SHISA9: variants seen among roughly 807,000 people sequenced by gnomAD.
SHISA9 encodes the protein protein shisa-9.
A neutral mutation model predicts 38.0 loss-of-function variants in SHISA9; 13 were observed. That is an observed-to-expected ratio of 0.34 (90% CI 0.22 to 0.54). The LOEUF (loss-of-function observed/expected upper bound fraction) is 0.54, where lower values mean the gene tolerates loss of function less well. Ranked by LOEUF, SHISA9 falls within the 20% of genes least tolerant of loss-of-function variation. The pLI is 0.91. For missense variants in SHISA9, 538 were observed against 575.8 expected (o/e 0.93, Z 0.67); for synonymous variants, 275 against 242.0 (o/e 1.14, Z -1.27).
the SHISA9 span, among the ~76,000 whole-genome samples, chr16:13,555,887 A>G: frequency 6.6e-6 from 1 of 152,166 alleles, no homozygotes. Flanking sequence ...GGGGAATCAA[A>G]TCTTATCTAG....
At chr16:13,100,893 G>A (rs1260588608) in intron 2 of SHISA9, among the ~76,000 whole-genome samples, 1 of 152,078 alleles carries the variant, frequency 6.6e-6, no homozygotes, top group Non-Finnish European at 1.5e-5. Context: ...TTTTAGTAGA[G>A]ACGGGGTTTT....
intron 2 of SHISA9, among the ~76,000 whole-genome samples, chr16:12,931,778 T>G (rs777044215): frequency 1.8e-4 from 27 of 152,132 alleles, no homozygotes; most frequent in Admixed American, 4.6e-4. Flanking sequence ...AGTCATGGGA[T>G]TGCTAGGTCA....
chr16:13,539,484 A>G, the SHISA9 span, among the ~76,000 whole-genome samples: 3 of 151,586 alleles, frequency 2.0e-5, no homozygotes, highest in East Asian at 5.8e-4. Flanking sequence ...GCCCTAACCA[A>G]TGCATTCTGT....
chr16:13,473,985 C>T, the SHISA9 span, among the ~76,000 whole-genome samples: 1 of 152,118 alleles, frequency 6.6e-6, no homozygotes, highest in Non-Finnish European at 1.5e-5. Context: ...GTGCCACTGC[C>T]TGATGCTGTG....
the SHISA9 span, among the ~76,000 whole-genome samples, chr16:13,368,251 A>G: frequency 0.011 from 1,604 of 152,300 alleles, 15 homozygotes; most frequent in Middle Eastern, 0.034. Context: ...TTGGAGAGCT[A>G]GAGGTGCTTC....
At chr16:13,310,174 C>A in the SHISA9 span, among the ~76,000 whole-genome samples, 3 of 152,208 alleles carry the variant, frequency 2.0e-5, no homozygotes, top group African/African-American at 7.2e-5. Context: ...AGGCGTGAGC[C>A]ACTGCTCCCG....
the SHISA9 span, among the ~76,000 whole-genome samples, chr16:13,369,698 T>C: frequency 2.0e-5 from 3 of 151,910 alleles, no homozygotes; most frequent in South Asian, 6.3e-4. Context: ...TAAAGAGTAA[T>C]CAATCATGAG....
intron 2 of SHISA9, among the ~76,000 whole-genome samples, chr16:13,056,012 G>A (rs1342088201): frequency 6.6e-6 from 1 of 152,206 alleles, no homozygotes; most frequent in Non-Finnish European, 1.5e-5. Flanking sequence ...TATGCACAGT[G>A]GGTGGCAGAT....
At chr16:13,430,366 G>A in the SHISA9 span, among the ~76,000 whole-genome samples, 6 of 152,120 alleles carry the variant, frequency 3.9e-5, no homozygotes, top group African/African-American at 1.4e-4. Flanking sequence ...TATGTATTTA[G>A]GGACAAATTT....
chr16:13,283,672 G>A, the SHISA9 span, among the ~76,000 whole-genome samples: 1 of 151,922 alleles, frequency 6.6e-6, no homozygotes, highest in Non-Finnish European at 1.5e-5. Flanking sequence ...TGGGAGTTAT[G>A]GAAACTGCAA....
chr16:13,016,136 T>C (rs981953026), intron 2 of SHISA9, among the ~76,000 whole-genome samples: 2 of 150,802 alleles, frequency 1.3e-5, no homozygotes, highest in Non-Finnish European at 2.9e-5. Context: ...TACAGGCCTG[T>C]GTCTGCTAAT....
At chr16:13,414,758 A>G in the SHISA9 span, among the ~76,000 whole-genome samples, 10 of 146,824 alleles carry the variant, frequency 6.8e-5, no homozygotes, top group African/African-American at 2.5e-4. Flanking sequence ...GATTCTCCCT[A>G]GTAGCTGGGA....
At position 12,901,981 on chromosome 16, in the gene SHISA9, C is replaced by CTCGGCAGCT; in HGVS notation, c.-78_-70dup. The CTCGGCAGCT allele has an allele frequency of 8.3e-7, 1 of 1,209,670 alleles. No individual in the cohort carries two copies. The allele number at this position is 1,209,670 out of a possible 1,614,324, so 74.9% of individuals were successfully genotyped here. A position where few individuals can be genotyped will look rare whatever the true frequency, so the allele number is the denominator to read the frequency against. ...GCGGCTCGCAGCTCCCGGCAGCAGC[C>CTCGGCAGCT]TCGGCAGCTTCGGCCGCGCCTCGAG... On this transcript the variant is annotated 5_prime_UTR_variant, in exon 1 of 5. Transcript: ENST00000558583.
At chr16:13,055,600 T>C (rs1412213763) in intron 2 of SHISA9, among the ~76,000 whole-genome samples, 3 of 152,170 alleles carry the variant, frequency 2.0e-5, no homozygotes. Flanking sequence ...TCAGACCCAT[T>C]GAAGTACGAG....
At chr16:13,383,496 T>C in the SHISA9 span, among the ~76,000 whole-genome samples, 1 of 152,120 alleles carries the variant, frequency 6.6e-6, no homozygotes, top group African/African-American at 2.4e-5. Flanking sequence ...CTTATATGCG[T>C]GCATAGGTAG....
chr16:13,394,208 C>A, the SHISA9 span, among the ~76,000 whole-genome samples: 1 of 152,182 alleles, frequency 6.6e-6, no homozygotes, highest in African/African-American at 2.4e-5. Flanking sequence ...AGGAGACAGT[C>A]CCAATGCCCA....
chr16:13,502,930 A>C, the SHISA9 span, among the ~76,000 whole-genome samples: 1 of 152,208 alleles, frequency 6.6e-6, no homozygotes, highest in East Asian at 1.9e-4. Flanking sequence ...GGAAAGACAG[A>C]TAATGAGTCA....
chr16:13,305,194 G>C, the SHISA9 span, among the ~76,000 whole-genome samples: 1 of 152,168 alleles, frequency 6.6e-6, no homozygotes, highest in Non-Finnish European at 1.5e-5. Flanking sequence ...TCCCCCTGGG[G>C]ACGCTGAGTT....
chr16:13,336,129 A>G, the SHISA9 span, among the ~76,000 whole-genome samples: 214 of 152,298 alleles, frequency 1.4e-3, 1 homozygote, highest in Middle Eastern at 0.017. Flanking sequence ...AGCTAGTGGA[A>G]AGGTCACGTG....
Sources: allele counts gnomAD v4.1 joint callset (sites outside exome capture counted in the v4.1 genomes callset), GRCh38; gene constraint gnomAD v4.1.1; transcripts MANE v1.5; gene names NCBI Gene and HGNC (gene_info 2026-07-23, HGNC 2026-07-21).